The following GABPB1 variants were observed in gnomAD, a reference collection of about 807,000 sequenced individuals.
GABPB1 encodes GA binding protein transcription factor subunit beta 1.
Under a neutral mutation model 45.9 loss-of-function variants are expected in GABPB1, and 15 were observed. The observed-to-expected ratio is 0.33, with a 90% CI of 0.22 to 0.50. The LOEUF is 0.50. Among genes scored for constraint, GABPB1 ranks in the 20% least tolerant of loss-of-function variants. The pLI is 0.98. For synonymous variants in GABPB1, 143 were observed against 154.4 expected (o/e 0.93, Z 0.55); for missense variants, 252 against 457.5 (o/e 0.55, Z 4.10).
intron 1 of GABPB1, among the ~76,000 whole-genome samples, chr15:50,339,580 A>G (rs1432180101): frequency 6.6e-6 from 1 of 152,082 alleles, no homozygotes; most frequent in Non-Finnish European, 1.5e-5. Flanking sequence ...TTTATCAGAT[A>G]TACATTCTCT....
chr15:50,350,121 A>C (rs2048765123), intron 1 of GABPB1: 1 of 152,028 alleles, frequency 6.6e-6, no homozygotes, highest in African/African-American at 2.4e-5. Context: ...ATCACTGTGA[A>C]ACATTTAGGT....
At position 50,277,020 on chromosome 15, in the gene GABPB1, T is replaced by C. The variant is rs2045847171; in HGVS notation, c.*1612A>G. 6.6e-6 allele frequency: 1 copy of C among 152,338 alleles called. No individual in the cohort carries two copies. The highest frequency in any genetic ancestry group is 1.5e-5 in the Non-Finnish European group (1 of 68,016). The allele number at this position is 152,338 out of a possible 1,614,324, so 9.4% of individuals were successfully genotyped here. On this transcript the variant is annotated 3_prime_UTR_variant, in exon 9 of 9. Transcript: ENST00000380877. ...CTTCAATTTGCCCTAAACTCTTTTT[T>C]AAGTGCTTCCAATAGTAACCATCAG... is the stretch of plus-strand genomic sequence containing the variant.
intron 2 of GABPB1, among the ~76,000 whole-genome samples, chr15:50,305,649 G>A (rs138205490): frequency 0.02 from 3,054 of 152,236 alleles, 102 homozygotes; most frequent in African/African-American, 0.07. Context: ...AGTATTTAAT[G>A]AAAATATCTC....
chr15:50,353,780 G>C (rs1460425455), intron 1 of GABPB1: 1 of 152,300 alleles, frequency 6.6e-6, no homozygotes, highest in Non-Finnish European at 1.5e-5. Flanking sequence ...AAATGAGAGT[G>C]GATCTTTTAA....
intron 6 of GABPB1, 81 bp downstream of exon 6, chr15:50,300,708 G>A (rs1018047416): frequency 2.4e-6 from 2 of 843,228 alleles, no homozygotes; most frequent in East Asian, 2.5e-5. Flanking sequence ...CCCTCCCAAA[G>A]TGCTAGGATT....
intron 8 of GABPB1, among the ~76,000 whole-genome samples, chr15:50,279,530 A>G (rs985443559): frequency 2.0e-5 from 3 of 152,242 alleles, no homozygotes; most frequent in Non-Finnish European, 4.4e-5. Context: ...ACAAATTGAG[A>G]GCTGAAACAC....
intron 1 of GABPB1, among the ~76,000 whole-genome samples, chr15:50,318,880 C>A (rs1054585621): frequency 3.3e-5 from 5 of 151,818 alleles, no homozygotes; most frequent in African/African-American, 1.2e-4. Context: ...TTTTCCTTTA[C>A]ACACACACAC....
intron 1 of GABPB1, among the ~76,000 whole-genome samples, chr15:50,325,531 T>C (rs2047722436): frequency 1.3e-5 from 2 of 152,140 alleles, no homozygotes; most frequent in African/African-American, 4.8e-5. Flanking sequence ...TCAAACTTTT[T>C]TTTTTGTTTT....
In GABPB1 at chr15:50,304,144, GA is replaced by G. The variant is rs367702829; in HGVS notation, c.109-12del. ...TGGAGAAGTTCCCAGCTGTACCACA[GA>G]AAAAAAAAAAAATCCACATTTACAT... On this transcript the variant is annotated splice_polypyrimidine_tract_variant and intron_variant, in intron 2 of 8. Transcript: ENST00000380877. The G allele has an allele frequency of 0.079, 82,850 of 1,052,016 alleles. 166 individuals are homozygous for G. The highest frequency in any genetic ancestry group is 0.12 in the African/African-American group (7,283 of 58,510). The allele number at this position is 1,052,016 out of a possible 1,614,324, so 65.2% of individuals were successfully genotyped here.
chr15:50,304,685 TG>T (rs1284832315), intron 2 of GABPB1, among the ~76,000 whole-genome samples: 1 of 146,640 alleles, frequency 6.8e-6, no homozygotes, highest in Non-Finnish European at 1.5e-5. Flanking sequence ...CACTCCAGCC[TG>T]GGTGACACAG....
chr15:50,338,387 C>T (rs2048221982), intron 1 of GABPB1, among the ~76,000 whole-genome samples: 1 of 152,012 alleles, frequency 6.6e-6, no homozygotes, highest in African/African-American at 2.4e-5. Flanking sequence ...TCCTTGTCTC[C>T]ATTAGGTTAA....
At chr15:50,280,744 GA>G (rs922499163) in intron 8 of GABPB1, among the ~76,000 whole-genome samples, 7 of 139,316 alleles carry the variant, frequency 5.0e-5, no homozygotes, top group African/African-American at 8.0e-5. Flanking sequence ...TGTCTCAAAA[GA>G]AAAAAAAAAG....
chr15:50,315,256 C>T (rs1030696042), intron 1 of GABPB1, among the ~76,000 whole-genome samples: 3 of 152,082 alleles, frequency 2.0e-5, no homozygotes, highest in Non-Finnish European at 2.9e-5. Flanking sequence ...CTCAGTCTCC[C>T]GAGTAGCTGC....
chr15:50,314,358 T>A (rs2047241098), intron 1 of GABPB1: 1 of 152,386 alleles, frequency 6.6e-6, no homozygotes, highest in Admixed American at 6.5e-5. Flanking sequence ...TAATTTTTTG[T>A]ATTTTTAGTA....
At chr15:50,290,291 GT>G (rs1442020083) in intron 6 of GABPB1, among the ~76,000 whole-genome samples, 1 of 152,106 alleles carries the variant, frequency 6.6e-6, no homozygotes, top group Middle Eastern at 3.4e-3. Flanking sequence ...TATCTGTTTC[GT>G]AAAACCTCAC....
Position 50,301,379 on chromosome 15 carries a change from A to C in GABPB1, c.472-11T>G. 1 of 1,602,822 alleles carries C rather than the reference A, an allele frequency of 6.2e-7. No homozygotes were observed. Among genetic ancestry groups the C allele is most frequent in the South Asian group, 1.1e-5 (1 of 89,732 alleles). On this transcript the variant is annotated splice_polypyrimidine_tract_variant and intron_variant, in intron 4 of 8. Transcript: ENST00000380877. ...GTTCTGCATAGCAATCTAGGGAAAA[A>C]ATGACCACAGTGTTTTCAGAATTAT...
At chr15:50,337,644 T>C (rs2048197479) in intron 1 of GABPB1, among the ~76,000 whole-genome samples, 1 of 151,992 alleles carries the variant, frequency 6.6e-6, no homozygotes, top group Non-Finnish European at 1.5e-5. Flanking sequence ...TGCGATCATG[T>C]GGTCCCAGCT....
At chr15:50,288,824 C>CA (rs1555507127) in intron 7 of GABPB1, among the ~76,000 whole-genome samples, 1 of 147,706 alleles carries the variant, frequency 6.8e-6, no homozygotes, top group Non-Finnish European at 1.5e-5. Context: ...CTAAGTCCAC[C>CA]TTTTTTTTTT....
intron 1 of GABPB1, 145 bp from the exon 2 acceptor site, chr15:50,309,943 C>T (rs1212088826): frequency 2.0e-6 from 1 of 500,802 alleles, no homozygotes; most frequent in African/African-American, 2.0e-5. Context: ...AATTACAGAT[C>T]ATACAAAAGC....
Sources: allele counts gnomAD v4.1 joint callset (sites outside exome capture counted in the v4.1 genomes callset), GRCh38; gene constraint gnomAD v4.1.1; transcripts MANE v1.5; gene names NCBI Gene and HGNC (gene_info 2026-07-23, HGNC 2026-07-21).